The following NPTN variants were observed in gnomAD, a reference collection of about 807,000 sequenced individuals.
The protein encoded by NPTN is neuroplastin, also known as SDR-1.
Under a neutral mutation model 42.7 loss-of-function variants are expected in NPTN, and 5 were observed. That is an observed-to-expected ratio of 0.12 (90% CI 0.06 to 0.25). NPTN has a LOEUF of 0.25. Among genes scored for constraint, NPTN ranks in the 10% least tolerant of loss-of-function variants. NPTN has a pLI of 1.00. For synonymous variants in NPTN, 180 were observed against 201.9 expected, an observed-to-expected ratio of 0.89 and a Z score of 0.92; for missense variants, 307 against 525.4, an observed-to-expected ratio of 0.58 and a Z score of 4.06.
intron 1 of NPTN, among the ~76,000 whole-genome samples, chr15:73,603,268 T>C (rs913230636): frequency 6.6e-6 from 1 of 152,184 alleles, no homozygotes; most frequent in Non-Finnish European, 1.5e-5. Context: ...TTATTATATG[T>C]CTCCATAGAA....
intron 5 of NPTN, among the ~76,000 whole-genome samples, chr15:73,572,965 T>C (rs540833364): frequency 9.7e-4 from 147 of 152,192 alleles, no homozygotes; most frequent in Non-Finnish European, 1.8e-3. Flanking sequence ...TGTTTAAAAG[T>C]GTGTAGCATC....
chr15:73,597,496 G>A lies in NPTN; in HGVS notation c.92-127C>T. ...CAAATGAGTTGCAAAGAACAAAAAA[G>A]GATTCATTTTTAAACTATAAAGAGA... is the stretch of plus-strand genomic sequence containing the variant. On this transcript the variant is annotated intron_variant, in intron 1 of 8. Coordinates refer to ENST00000345330, the MANE Select transcript of NPTN (RefSeq NM_012428.4). The surrounding 1 kb of genome is among the most constrained non-coding windows in gnomAD (Gnocchi z 6.3). 1.4e-6 allele frequency: 1 copy of A among 721,870 alleles called. No homozygotes were observed. The highest frequency in any genetic ancestry group is 2.3e-6 in the Non-Finnish European group (1 of 443,570). The allele number at this position is 721,870 out of a possible 1,614,324, so 44.7% of individuals were successfully genotyped here. A position where few individuals can be genotyped will look rare whatever the true frequency, so the allele number is the denominator to read the frequency against.
chr15:73,607,339 G>A (rs145711923), intron 1 of NPTN, among the ~76,000 whole-genome samples: 356 of 152,220 alleles, frequency 2.3e-3, no homozygotes, highest in African/African-American at 8.3e-3. Flanking sequence ...TAAATTCAGC[G>A]TAACTTCTGA....
At chr15:73,613,260 A>G (rs930423378) in intron 1 of NPTN, among the ~76,000 whole-genome samples, 1 of 152,210 alleles carries the variant, frequency 6.6e-6, no homozygotes. Flanking sequence ...CAAATGTATC[A>G]AGTCCTCCAA....
chr15:73,564,256 T>G (rs141203421), intron 6 of NPTN, among the ~76,000 whole-genome samples: 1 of 152,310 alleles, frequency 6.6e-6, no homozygotes, highest in Admixed American at 6.5e-5. Context: ...TCAGAACAGT[T>G]TGATTTCACT....
intron 6 of NPTN, among the ~76,000 whole-genome samples, chr15:73,564,304 G>A (rs1030110609): frequency 1.6e-4 from 25 of 152,098 alleles, no homozygotes; most frequent in African/African-American, 5.8e-4. Context: ...GATTCCACAA[G>A]GGGGCTTGGT....
rs1320992693 is a variant in NPTN at position 73,561,026 on chromosome 15, A to T, written c.*37T>A. On this transcript the variant is annotated 3_prime_UTR_variant, in exon 9 of 9. Transcript: ENST00000345330. ...GAAAATTTTAGCAGGTCATGTTGCC[A>T]CCAGTTTCAGGAACCTAAAGATCTG... The T allele has an allele frequency of 6.6e-6, 1 of 152,670 alleles. No homozygotes were observed. Among genetic ancestry groups the T allele is most frequent in the Non-Finnish European group, 1.5e-5 (1 of 68,058 alleles). 9.5% of individuals were successfully genotyped at this position (152,670 alleles called of 1,614,324 possible).
At chr15:73,583,358 C>A (rs1896151468) in intron 4 of NPTN, among the ~76,000 whole-genome samples, 2 of 152,128 alleles carry the variant, frequency 1.3e-5, no homozygotes, top group Admixed American at 6.5e-5. Flanking sequence ...TGAGTGAGAA[C>A]CCTAGCTTCA....
chr15:73,629,313 T>A (rs909170008), intron 1 of NPTN, among the ~76,000 whole-genome samples: 2 of 152,212 alleles, frequency 1.3e-5, no homozygotes, highest in East Asian at 3.8e-4. Context: ...TATTTCAAAA[T>A]TTTTTGCTTG....
chr15:73,585,059 A>G (rs1317930480), intron 4 of NPTN, among the ~76,000 whole-genome samples: 2 of 152,232 alleles, frequency 1.3e-5, no homozygotes, highest in Non-Finnish European at 2.9e-5. Context: ...TGCTGAGCCC[A>G]AACAACACCC....
chr15:73,596,367 C>T (rs1238416584), intron 2 of NPTN, among the ~76,000 whole-genome samples: 1 of 152,126 alleles, frequency 6.6e-6, no homozygotes, highest in Non-Finnish European at 1.5e-5. Flanking sequence ...TTACATGCCA[C>T]CCAACAACCA....
chr15:73,613,288 TA>T (rs1219155289), intron 1 of NPTN, among the ~76,000 whole-genome samples: 1 of 152,230 alleles, frequency 6.6e-6, no homozygotes, highest in Non-Finnish European at 1.5e-5. Flanking sequence ...CCAAAATTCC[TA>T]TTTTATTTTT....
Position 73,560,883 on chromosome 15 carries a change from T to C in NPTN, c.*180A>G, listed in dbSNP as rs185788844. The C allele has an allele frequency of 1.1e-4, 16 of 152,352 alleles. No individual in the cohort carries two copies. Among genetic ancestry groups the C allele is most frequent in the Admixed American group, 2.6e-4 (4 of 15,276 alleles). The allele number at this position is 152,352 out of a possible 1,614,324, so 9.4% of individuals were successfully genotyped here. ...AGTTTACACCTTCTACACTGAAGCA[T>C]TGTTTAAAATGTACCTGGCTAGATC... is the stretch of plus-strand genomic sequence containing the variant. On this transcript the variant is annotated 3_prime_UTR_variant, in exon 9 of 9. Transcript: ENST00000345330.
At chr15:73,576,103 G>A (rs938488893) in intron 4 of NPTN, among the ~76,000 whole-genome samples, 2 of 152,104 alleles carry the variant, frequency 1.3e-5, no homozygotes, top group Non-Finnish European at 2.9e-5. Flanking sequence ...AGCACTCCAA[G>A]GAGCAGGCTC....
chr15:73,603,539 C>T (rs1018276706), intron 1 of NPTN, among the ~76,000 whole-genome samples: 1 of 152,168 alleles, frequency 6.6e-6, no homozygotes, highest in Non-Finnish European at 1.5e-5. Context: ...ATAGCAGACA[C>T]ATGTATGTGG....
intron 1 of NPTN, among the ~76,000 whole-genome samples, chr15:73,620,678 A>G (rs1480728688): frequency 6.6e-6 from 1 of 152,194 alleles, no homozygotes; most frequent in Non-Finnish European, 1.5e-5. Context: ...ATCATCACTT[A>G]ATTTTCCAGG....
intron 7 of NPTN, 43 bp downstream of exon 7, chr15:73,563,189 ATCAT>A (rs767977827): frequency 2.3e-5 from 29 of 1,284,604 alleles, no homozygotes; most frequent in Non-Finnish European, 3.2e-5. Context: ...CAAACACAAC[ATCAT>A]TCAATCAGAT....
chr15:73,621,594 A>G (rs1415636603), intron 1 of NPTN, among the ~76,000 whole-genome samples: 1 of 152,202 alleles, frequency 6.6e-6, no homozygotes, highest in Non-Finnish European at 1.5e-5. Flanking sequence ...CAGAAACCAG[A>G]GTACTAAAAT....
intron 1 of NPTN, among the ~76,000 whole-genome samples, chr15:73,609,102 AC>A (rs948006396): frequency 6.6e-6 from 1 of 152,334 alleles, no homozygotes; most frequent in African/African-American, 2.4e-5. Flanking sequence ...CAAATGATTC[AC>A]CACTGAATGC....
Sources: gnomAD v4.1 joint callset for allele counts (sites outside exome capture counted in the v4.1 genomes callset) on GRCh38, gnomAD v4.1.1 for gene constraint, Gnocchi (gnomAD v3.1) non-coding constraint, MANE v1.5 for transcripts, NCBI Gene and HGNC (gene_info 2026-07-23, HGNC 2026-07-21) for gene names.